EPHA3: variants seen among roughly 807,000 people sequenced by gnomAD.
The protein encoded by EPHA3 is EPH receptor A3.
In EPHA3, 42 loss-of-function variants were observed where a neutral mutation model predicts 107.1. The observed-to-expected ratio is 0.39, with a 90% CI of 0.31 to 0.51. The LOEUF is 0.51. Among genes scored for constraint, EPHA3 ranks in the 20% least tolerant of loss-of-function variants. The pLI is 0.78. For missense variants in EPHA3, 1,183 were observed against 1,211.2 expected (o/e 0.98, Z 0.35); for synonymous variants, 461 against 424.8 (o/e 1.09, Z -1.05).
intron 3 of EPHA3, among the ~76,000 whole-genome samples, chr3:89,244,927 G>T (rs1255761109): frequency 6.6e-6 from 1 of 152,188 alleles, no homozygotes; most frequent in Non-Finnish European, 1.5e-5. Context: ...TTCAATTGCA[G>T]TTAACCCTGC....
chr3:89,366,138 A>G lies in EPHA3; in HGVS notation c.1306+24048A>G, dbSNP rs76354970. ...GATTAAAACCAGAATAATTAAAACC[A>G]TGACCAGTTCTGTGTCATGCATTTG... On this transcript the variant is annotated intron_variant, in intron 5 of 16. Transcript: ENST00000336596. 3.2e-3 allele frequency among the ~76,000 whole-genome samples: 487 copies of G among 150,754 alleles called. 15 individuals are homozygous for G. Among genetic ancestry groups the G allele is most frequent in the Non-Finnish European group, 4.3e-3 (286 of 67,252 alleles).
intron 2 of EPHA3, among the ~76,000 whole-genome samples, chr3:89,179,397 T>G (rs1216755904): frequency 6.6e-6 from 1 of 152,052 alleles, no homozygotes; most frequent in African/African-American, 2.4e-5. Context: ...TTACCACCAT[T>G]TGCCTTTATT....
intron 10 of EPHA3, among the ~76,000 whole-genome samples, chr3:89,416,472 T>C (rs1267586800): frequency 1.3e-5 from 2 of 151,416 alleles, no homozygotes; most frequent in African/African-American, 4.8e-5. Context: ...TTAATCTTTT[T>C]CTATTTTTAG....
intron 5 of EPHA3, among the ~76,000 whole-genome samples, chr3:89,352,623 G>A (rs565152996): frequency 1.3e-5 from 2 of 151,010 alleles, no homozygotes; most frequent in Non-Finnish European, 3.0e-5. Flanking sequence ...TCCACACTAG[G>A]CTAGGTGTGG....
intron 3 of EPHA3, among the ~76,000 whole-genome samples, chr3:89,312,558 A>T (rs1706789177): frequency 6.6e-6 from 1 of 151,630 alleles, no homozygotes; most frequent in African/African-American, 2.4e-5. Context: ...TGATATTTTC[A>T]TTATACCCGT....
chr3:89,427,808 A>G (rs185390014), intron 11 of EPHA3, among the ~76,000 whole-genome samples: 1 of 151,938 alleles, frequency 6.6e-6, no homozygotes, highest in African/African-American at 2.4e-5. Context: ...GGATTAAGTG[A>G]TATAACAAAT....
intron 3 of EPHA3, among the ~76,000 whole-genome samples, chr3:89,317,538 A>T (rs750143485): frequency 7.2e-5 from 11 of 151,832 alleles, no homozygotes; most frequent in Non-Finnish European, 1.3e-4. Flanking sequence ...CTCTATCTAT[A>T]CCATGATAAG....
intron 2 of EPHA3, among the ~76,000 whole-genome samples, chr3:89,163,659 C>T (rs1453880370): frequency 6.6e-6 from 1 of 152,032 alleles, no homozygotes; most frequent in African/African-American, 2.4e-5. Context: ...AACTACACAC[C>T]TGGGAAATCG....
At chr3:89,412,390 A>G (rs577707797) in intron 9 of EPHA3, among the ~76,000 whole-genome samples, 11 of 151,530 alleles carry the variant, frequency 7.3e-5, no homozygotes, top group Non-Finnish European at 1.5e-4. Context: ...TACGTTTGGA[A>G]CTTAGCTCCT....
intron 3 of EPHA3, among the ~76,000 whole-genome samples, chr3:89,295,858 G>T (rs1428762252): frequency 6.6e-6 from 1 of 152,134 alleles, no homozygotes; most frequent in South Asian, 2.1e-4. Context: ...CCAAAGTGCT[G>T]GGATTACAGG....
At chr3:89,125,430 A>G (rs1704072934) in intron 1 of EPHA3, among the ~76,000 whole-genome samples, 1 of 151,720 alleles carries the variant, frequency 6.6e-6, no homozygotes, top group African/African-American at 2.4e-5. Flanking sequence ...AAATTTTCTA[A>G]CAGTTATCTG....
At chr3:89,129,416 C>G (rs1342429243) in intron 2 of EPHA3, among the ~76,000 whole-genome samples, 3 of 151,850 alleles carry the variant, frequency 2.0e-5, no homozygotes, top group African/African-American at 7.3e-5. Context: ...AGAGACACTC[C>G]CCAATAGTTC....
chr3:89,299,778 T>C (rs1706440560), intron 3 of EPHA3, among the ~76,000 whole-genome samples: 1 of 152,002 alleles, frequency 6.6e-6, no homozygotes, highest in Non-Finnish European at 1.5e-5. Context: ...GAAAATGTAT[T>C]GGGCAGGAGT....
rs1374077981 is a variant in EPHA3, at chr3:89,354,598, A to T, written c.1306+12508A>T. ...GGCACCCCTATAAGCAGGGGCCCTG[A>T]CATTCTATACCATTCGCACCAAAGT... On this transcript the variant is annotated intron_variant, in intron 5 of 16. Transcript: ENST00000336596. 1.3e-5 allele frequency among the ~76,000 whole-genome samples: 2 copies of T among 151,238 alleles called. 1 individual carries two copies. The highest frequency in any genetic ancestry group is 3.0e-5 in the Non-Finnish European group (2 of 67,518).
rs1316885923 is a variant in EPHA3, at chr3:89,210,423, T to TC, written c.719dup (p.Arg241LysfsTer24). 6.2e-7 allele frequency: 1 copy of TC among 1,613,640 alleles called. No homozygotes were observed. Among genetic ancestry groups the TC allele is most frequent in the Admixed American group, 1.7e-5 (1 of 59,954 alleles). On this transcript the variant is annotated frameshift_variant, in exon 3 of 17. Coordinates refer to ENST00000336596, the MANE Select transcript of EPHA3 (RefSeq NM_005233.6). LOFTEE classifies it high-confidence loss of function. ...TCAACAATTCTAAGGAGGAAGATCC[T>TC]CCAAGGATGTACTGCAGTACAGAAG...
At chr3:89,458,341 A>G (rs1441177067) in intron 15 of EPHA3, among the ~76,000 whole-genome samples, 2 of 152,168 alleles carry the variant, frequency 1.3e-5, no homozygotes, top group Non-Finnish European at 2.9e-5. Context: ...GTGAAATGGT[A>G]GGTAGAAACG....
intron 5 of EPHA3, among the ~76,000 whole-genome samples, chr3:89,381,041 C>G (rs147139677): frequency 0.015 from 2,230 of 151,726 alleles, 57 homozygotes; most frequent in African/African-American, 0.051. Context: ...GGCGCCATCT[C>G]GGCTCACTGC....
intron 5 of EPHA3, among the ~76,000 whole-genome samples, chr3:89,355,409 T>C (rs1044062939): frequency 6.6e-6 from 1 of 151,372 alleles, no homozygotes; most frequent in Non-Finnish European, 1.5e-5. Flanking sequence ...ATCCACTGTT[T>C]ATAAGTGAAG....
chr3:89,220,455 A>T (rs1704346069), intron 3 of EPHA3, among the ~76,000 whole-genome samples: 1 of 152,202 alleles, frequency 6.6e-6, no homozygotes, highest in African/African-American at 2.4e-5. Flanking sequence ...TGACATGAAG[A>T]TGGATATTTT....
Sources: gnomAD v4.1 joint callset for allele counts (sites outside exome capture counted in the v4.1 genomes callset) on GRCh38, gnomAD v4.1.1 for gene constraint, MANE v1.5 for transcripts, NCBI Gene and HGNC (gene_info 2026-07-23, HGNC 2026-07-21) for gene names.